Variants in IL2RA observed in about 807,000 individuals in gnomAD.
The protein encoded by IL2RA is interleukin-2 receptor subunit alpha.
In IL2RA, 24 loss-of-function variants were observed where a neutral mutation model predicts 37.8. That is an observed-to-expected ratio of 0.63 (90% CI 0.46 to 0.89). IL2RA has a LOEUF of 0.89. Among genes scored for constraint, IL2RA ranks in the 40% least tolerant of loss-of-function variants. The pLI is 0.00. For missense variants in IL2RA, 319 were observed against 348.6 expected (o/e 0.92, Z 0.68); for synonymous variants, 125 against 114.6 (o/e 1.09, Z -0.58).
At chr10:6,061,226 C>CA (rs1840117253) in intron 1 of IL2RA, among the ~76,000 whole-genome samples, 1 of 151,968 alleles carries the variant, frequency 6.6e-6, no homozygotes, top group Non-Finnish European at 1.5e-5. Context: ...CCCATCTCTA[C>CA]AAAAAAATAA....
intron 3 of IL2RA, among the ~76,000 whole-genome samples, chr10:6,023,477 A>G (rs776041912): frequency 2.6e-5 from 4 of 152,194 alleles, no homozygotes; most frequent in Non-Finnish European, 4.4e-5. Flanking sequence ...CTGGGACTAC[A>G]GGCATCCACC....
At chr10:6,032,414 A>T (rs565971557) in intron 1 of IL2RA, among the ~76,000 whole-genome samples, 1 of 152,126 alleles carries the variant, frequency 6.6e-6, no homozygotes, top group Non-Finnish European at 1.5e-5. Context: ...AAAAGTAGGC[A>T]GGGTGTGGTG....
At chr10:6,061,675 A>T (rs1840123791) in intron 1 of IL2RA, among the ~76,000 whole-genome samples, 1 of 152,240 alleles carries the variant, frequency 6.6e-6, no homozygotes, top group Non-Finnish European at 1.5e-5. Flanking sequence ...TGTCTCCAGC[A>T]AATTAACCTG....
intron 1 of IL2RA, among the ~76,000 whole-genome samples, chr10:6,026,531 C>T (rs1442034752): frequency 6.6e-6 from 1 of 152,132 alleles, no homozygotes; most frequent in East Asian, 1.9e-4. Flanking sequence ...ATTTCTCACC[C>T]ACCTGCCCAC....
At position 6,035,064 on chromosome 10, in the gene IL2RA, G is replaced by T. The variant is rs1839659259; in HGVS notation, c.65-9039C>A. On this transcript the variant is annotated intron_variant, in intron 1 of 7. Coordinates refer to ENST00000379959, the MANE Select transcript of IL2RA (RefSeq NM_000417.3). The surrounding 1 kb of genome is among the most constrained non-coding windows in gnomAD (Gnocchi z 5.4). ...GGGTGTAGGGTGGTAAACACTCAAG[G>T]CTTAGAAATTGGGGCTCCCCACCCT... Among the ~76,000 whole-genome samples the T allele has an allele frequency of 6.6e-6, 1 of 152,158 alleles. No homozygotes were observed. Among genetic ancestry groups the T allele is most frequent in the Non-Finnish European group, 1.5e-5 (1 of 68,014 alleles).
At chr10:6,027,693 G>A (rs973321519) in intron 1 of IL2RA, among the ~76,000 whole-genome samples, 3 of 152,140 alleles carry the variant, frequency 2.0e-5, no homozygotes, top group Non-Finnish European at 2.9e-5. Flanking sequence ...TGGAATAGAT[G>A]GTAGTTCTGT....
chr10:6,011,110 C>T lies in IL2RA; in HGVS notation c.*1762G>A, dbSNP rs1839184716. 6.6e-6 allele frequency: 1 copy of T among 152,382 alleles called. No homozygotes were observed. Among genetic ancestry groups the T allele is most frequent in the Non-Finnish European group, 1.5e-5 (1 of 68,046 alleles). The allele number at this position is 152,382 out of a possible 1,614,324, so 9.4% of individuals were successfully genotyped here. Reference sequence around the variant, plus strand: ...TGAAAACTGCCGTGATTTCTCATAACACTCTCCTGCCCCTTCAGAAGTGAA... The same window carrying T: ...TGAAAACTGCCGTGATTTCTCATAATACTCTCCTGCCCCTTCAGAAGTGAA... On this transcript the variant is annotated 3_prime_UTR_variant, in exon 8 of 8. Transcript: ENST00000379959. This position sits in a 1 kb window ranked among gnomAD's most constrained non-coding sequence, Gnocchi z 5.2.
At chr10:6,041,034 A>G (rs1839763787) in intron 1 of IL2RA, among the ~76,000 whole-genome samples, 1 of 152,088 alleles carries the variant, frequency 6.6e-6, no homozygotes, top group Non-Finnish European at 1.5e-5. Flanking sequence ...TGAACAGAAG[A>G]TCCTGGAACT....
intron 3 of IL2RA, among the ~76,000 whole-genome samples, chr10:6,023,768 C>G (rs1325595866): frequency 6.6e-6 from 1 of 152,236 alleles, no homozygotes; most frequent in African/African-American, 2.4e-5. Context: ...TTGAGACTCA[C>G]AAGTGTGGCA....
In IL2RA at chr10:6,014,325, C is replaced by T. The variant is rs936067542; in HGVS notation, c.795-1429G>A. Among the ~76,000 whole-genome samples, 2 of 152,034 alleles carry T rather than the reference C, an allele frequency of 1.3e-5. No homozygotes were observed. The highest frequency in any genetic ancestry group is 2.9e-5 in the Non-Finnish European group (2 of 68,018). On this transcript the variant is annotated intron_variant, in intron 7 of 7. Coordinates refer to ENST00000379959, the MANE Select transcript of IL2RA (RefSeq NM_000417.3). The surrounding 1 kb of genome is among the most constrained non-coding windows in gnomAD (Gnocchi z 4.4). ...TGATCTTTCGGTAATTCAAATGCAG[C>T]ATTTCTGTTGCCACAAGAGGGCACC...
chr10:6,017,966 G>A (rs1213353943), intron 7 of IL2RA, 87 bp downstream of exon 7: 17 of 968,020 alleles, frequency 1.8e-5, no homozygotes, highest in Non-Finnish European at 2.8e-5. Context: ...ATTAGAGAGA[G>A]CATGGAGGGG....
At position 6,036,093 on chromosome 10, in the gene IL2RA, G is replaced by C. The variant is rs1265336170; in HGVS notation, c.65-10068C>G. 1 of 152,234 alleles carries C rather than the reference G, an allele frequency of 6.6e-6. No individual in the cohort carries two copies. The highest frequency in any genetic ancestry group is 1.5e-5 in the Non-Finnish European group (1 of 68,066). 9.4% of individuals were successfully genotyped at this position (152,234 alleles called of 1,614,324 possible). A position where few individuals can be genotyped will look rare whatever the true frequency, so the allele number is the denominator to read the frequency against. ...GGAGAACAGAGGGTGCAGGTGAAGG[G>C]CCCTCGACAATGCTTCTCTTTGCAT... On this transcript the variant is annotated intron_variant, in intron 1 of 7. Coordinates refer to ENST00000379959, the MANE Select transcript of IL2RA (RefSeq NM_000417.3). This position sits in a 1 kb window ranked among gnomAD's most constrained non-coding sequence, Gnocchi z 6.1.
intron 7 of IL2RA, among the ~76,000 whole-genome samples, chr10:6,016,700 G>A (rs1334601328): frequency 6.6e-6 from 1 of 151,984 alleles, no homozygotes; most frequent in East Asian, 1.9e-4. Flanking sequence ...AGCCTCGCAA[G>A]TAGCTGGGAT....
chr10:6,038,988 A>C (rs1252715622), intron 1 of IL2RA, among the ~76,000 whole-genome samples: 1 of 152,252 alleles, frequency 6.6e-6, no homozygotes, highest in African/African-American at 2.4e-5. Flanking sequence ...AAACTATATC[A>C]GTAATAATTA....
rs774461008 is a variant in IL2RA, at chr10:6,025,481, C to G, written c.256+353G>C. ...GACCAGCCTGGCCAACATGGTGAAA[C>G]CCCATCTCTACTAAAAATGCAAAAA... On this transcript the variant is annotated intron_variant, in intron 2 of 7. Coordinates refer to ENST00000379959, the MANE Select transcript of IL2RA (RefSeq NM_000417.3). The surrounding 1 kb of genome is among the most constrained non-coding windows in gnomAD (Gnocchi z 4.4). Among the ~76,000 whole-genome samples the G allele has an allele frequency of 4.6e-5, 7 of 151,832 alleles. No individual in the cohort carries two copies. The highest frequency in any genetic ancestry group is 1.5e-5 in the Non-Finnish European group (1 of 67,972).
chr10:6,016,126 G>T (rs1170362400), intron 7 of IL2RA, among the ~76,000 whole-genome samples: 1 of 152,100 alleles, frequency 6.6e-6, no homozygotes, highest in Non-Finnish European at 1.5e-5. Context: ...GTGAGATCTT[G>T]AAGAGGTGAT....
Position 6,021,410 on chromosome 10 carries a change from G to A in IL2RA, c.583+68C>T. 7.7e-7 allele frequency: 1 copy of A among 1,300,022 alleles called. No homozygotes were observed. The highest frequency in any genetic ancestry group is 1.1e-6 in the Non-Finnish European group (1 of 895,704). 80.5% of individuals were successfully genotyped at this position (1,300,022 alleles called of 1,614,324 possible). ...CACTCTTGTCCAGCAGGAGTGGTCA[G>A]GGATTCCACTCTGGTCAGCCTGATG... On this transcript the variant is annotated intron_variant, in intron 4 of 7. Transcript: ENST00000379959. The surrounding 1 kb of genome is among the most constrained non-coding windows in gnomAD (Gnocchi z 4.9).
Position 6,019,462 on chromosome 10 carries a change from C to G in IL2RA, c.693G>C (p.Glu231Asp), listed in dbSNP as rs139266750. The G allele has an allele frequency of 3.7e-6, 6 of 1,613,782 alleles. No homozygotes were observed. The highest frequency in any genetic ancestry group is 4.2e-6 in the Non-Finnish European group (5 of 1,179,628). Residue 231 changes from glutamate to aspartate, a missense_variant, in exon 6 of 8, where the codon GAG (glutamate) becomes GAC (aspartate). Coordinates refer to ENST00000379959, the MANE Select transcript of IL2RA (RefSeq NM_000417.3). ...QIQTEMAATM[E>D]TSIFTTEYQV... ...GGTACTCTGTTGTAAATATGGACGT[C>G]TCCATGGTTGCAGCCATTTCTGTCT...
At position 6,047,295 on chromosome 10, in the gene IL2RA, C is replaced by A. The variant is rs985066111; in HGVS notation, c.64+14793G>T. ...GCACAGCACCTGATGCTGGTGGGGT[C>A]AGGAGTGTGGCCTGTGCCACACTCA... On this transcript the variant is annotated intron_variant, in intron 1 of 7. Coordinates refer to ENST00000379959, the MANE Select transcript of IL2RA (RefSeq NM_000417.3). This position sits in a 1 kb window ranked among gnomAD's most constrained non-coding sequence, Gnocchi z 5.0. Among the ~76,000 whole-genome samples, 8 of 152,310 alleles carry A rather than the reference C, an allele frequency of 5.3e-5. No individual in the cohort carries two copies. Among genetic ancestry groups the A allele is most frequent in the Middle Eastern group, 3.4e-3 (1 of 294 alleles).
Sources: gnomAD v4.1 joint callset for allele counts (sites outside exome capture counted in the v4.1 genomes callset) on GRCh38, gnomAD v4.1.1 for gene constraint, Gnocchi (gnomAD v3.1) non-coding constraint, MANE v1.5 for transcripts, NCBI Gene and HGNC (gene_info 2026-07-23, HGNC 2026-07-21) for gene names.